The following ICE2 variants were observed in gnomAD, a reference collection of about 807,000 sequenced individuals.
ICE2 encodes little elongation complex subunit 2.
ICE2 carries 87 observed loss-of-function variants against 105.4 expected under a neutral mutation model. The observed-to-expected ratio is 0.83, with a 90% CI of 0.69 to 0.99. The LOEUF is 0.99. Ranked by LOEUF, ICE2 falls within the 50% of genes least tolerant of loss-of-function variation. The pLI, the probability that ICE2 is intolerant of heterozygous loss-of-function variation, is 0.00. For missense variants in ICE2, 1,323 were observed against 1,146.7 expected (o/e 1.15, Z -2.22); for synonymous variants, 399 against 392.0 (o/e 1.02, Z -0.21).
chr15:60,449,412 A>G lies in ICE2; in HGVS notation c.1555T>C (p.Ser519Pro). ...TTATTAGAAGTTTCAATTTCCTGAG[A>G]ATTTTCTAACTGTAAGGCATCAGAT... ...KTSDALQLEN[S>P]QEIETSNKND... The change falls in exon 10 of 16, where the codon TCT becomes CCT. Residue 519 changes from serine (S) to proline (P), a missense_variant. Coordinates refer to ENST00000261520, the MANE Select transcript of ICE2 (RefSeq NM_024611.6). 6.2e-7 allele frequency: 1 copy of G among 1,613,732 alleles called. No individual in the cohort carries two copies. The highest frequency in any genetic ancestry group is 8.5e-7 in the Non-Finnish European group (1 of 1,179,868).
chr15:60,472,322 C>T (rs1365500114), intron 3 of ICE2, among the ~76,000 whole-genome samples: 1 of 151,750 alleles, frequency 6.6e-6, no homozygotes, highest in African/African-American at 2.4e-5. Context: ...AATAAAAGGC[C>T]TTGTTTTTCA....
chr15:60,474,932 G>T (rs1282362821), intron 3 of ICE2, among the ~76,000 whole-genome samples: 1 of 152,056 alleles, frequency 6.6e-6, no homozygotes, highest in Non-Finnish European at 1.5e-5. Flanking sequence ...ATCAACCGGG[G>T]CAACACAGCA....
intron 4 of ICE2, among the ~76,000 whole-genome samples, chr15:60,467,604 G>C (rs1485250528): frequency 6.6e-6 from 1 of 152,118 alleles, no homozygotes; most frequent in Non-Finnish European, 1.5e-5. Context: ...ACTTTTTGCA[G>C]AACAATTTAT....
intron 5 of ICE2, among the ~76,000 whole-genome samples, chr15:60,460,692 C>G (rs530534640): frequency 2.0e-5 from 3 of 152,276 alleles, no homozygotes; most frequent in African/African-American, 4.8e-5. Context: ...GCTCTACCCA[C>G]TAGACGCCAT....
In ICE2 at chr15:60,453,051, C is replaced by T. The variant is rs7182274; in HGVS notation, c.1125+552G>A. 7.3e-3 allele frequency: 5,496 copies of T among 748,712 alleles called. 181 individuals are homozygous for T. In the African/African-American group the frequency reaches 0.082, roughly 11 times the overall value. The allele number at this position is 748,712 out of a possible 1,614,324, so 46.4% of individuals were successfully genotyped here. A position where few individuals can be genotyped will look rare whatever the true frequency, so the allele number is the denominator to read the frequency against. The stretch of plus-strand genomic sequence containing the variant: ...TTTGAGACCAGCCAGGCCAACATGG[C>T]GAAATCTCATCTCTACTAAAACTAC... On this transcript the variant is annotated intron_variant, in intron 9 of 15. Transcript: ENST00000261520.
chr15:60,460,254 G>C (rs2064237750), intron 5 of ICE2, among the ~76,000 whole-genome samples: 1 of 152,204 alleles, frequency 6.6e-6, no homozygotes, highest in Non-Finnish European at 1.5e-5. Flanking sequence ...AACACTTTGA[G>C]AGGCCAAGGA....
chr15:60,440,899 C>T (rs1465005109), intron 12 of ICE2: 1 of 151,966 alleles, frequency 6.6e-6, no homozygotes, highest in African/African-American at 2.4e-5. Flanking sequence ...GAAAGGCTCA[C>T]AAGAGGATAG....
chr15:60,440,194 T>A (rs1343420187), intron 12 of ICE2: 1 of 152,228 alleles, frequency 6.6e-6, no homozygotes, highest in Non-Finnish European at 1.5e-5. Flanking sequence ...CTGTTACTTA[T>A]GTAGTGATCT....
At chr15:60,452,989 G>C in intron 9 of ICE2, 1 of 976,442 alleles carries the variant, frequency 1.0e-6, no homozygotes, top group Non-Finnish European at 1.2e-6. Context: ...CCAGCACTTT[G>C]GGTGGCTGAG....
At chr15:60,453,091 G>T in intron 9 of ICE2, 1 of 603,176 alleles carries the variant, frequency 1.7e-6, no homozygotes, top group Non-Finnish European at 2.1e-6. Context: ...AATTAGCTGG[G>T]TATGGTGGTG....
intron 9 of ICE2, chr15:60,451,942 C>G (rs1322376290): frequency 2.0e-5 from 7 of 347,034 alleles, no homozygotes; most frequent in Non-Finnish European, 2.8e-5. Flanking sequence ...TCCTCACTAT[C>G]TTGTTAGCTT....
intron 3 of ICE2, 77 bp downstream of exon 3, chr15:60,475,986 A>G (rs2064750485): frequency 1.1e-6 from 1 of 885,488 alleles, no homozygotes; most frequent in Non-Finnish European, 1.7e-6. Flanking sequence ...GTTTAATACT[A>G]GAGATACACA....
rs116705841 is a variant in ICE2, at chr15:60,424,559, G to A, written c.2821-797C>T. Among the ~76,000 whole-genome samples the A allele has an allele frequency of 6.4e-3, 973 of 152,186 alleles. 8 individuals are homozygous for A. The highest frequency in any genetic ancestry group is 0.023 in the African/African-American group (946 of 41,504). ...TCTCGCTCTGTCACCCAGGCTGGAG[G>A]ACAGTTGGCGCGATCTCTGCTCACT... On this transcript the variant is annotated intron_variant, in intron 15 of 15. Coordinates refer to ENST00000261520, the MANE Select transcript of ICE2 (RefSeq NM_024611.6).
intron 6 of ICE2, among the ~76,000 whole-genome samples, chr15:60,456,442 G>A (rs1233413298): frequency 6.7e-6 from 1 of 148,858 alleles, no homozygotes; most frequent in Non-Finnish European, 1.5e-5. Flanking sequence ...TACTTGGGAG[G>A]CTAAGGCAGG....
intron 13 of ICE2, among the ~76,000 whole-genome samples, chr15:60,434,696 A>C (rs2063544367): frequency 6.6e-6 from 1 of 152,196 alleles, no homozygotes; most frequent in South Asian, 2.1e-4. Flanking sequence ...CATATGTAGA[A>C]GCTAAAAAAG....
intron 15 of ICE2, among the ~76,000 whole-genome samples, chr15:60,427,645 G>A (rs892288160): frequency 1.9e-4 from 29 of 152,144 alleles, no homozygotes; most frequent in African/African-American, 7.0e-4. Flanking sequence ...TCAAACTGCT[G>A]ACCTCAAATG....
intron 12 of ICE2, among the ~76,000 whole-genome samples, chr15:60,436,708 C>G (rs1248721655): frequency 2.7e-5 from 3 of 111,612 alleles, no homozygotes. Context: ...GTGACAGAGC[C>G]AGACTCTGTC....
At chr15:60,438,125 T>C (rs1416220395) in intron 12 of ICE2, 1 of 152,130 alleles carries the variant, frequency 6.6e-6, no homozygotes, top group East Asian at 1.9e-4. Flanking sequence ...CAAGGAAGAG[T>C]GACATAAAAG....
intron 13 of ICE2, among the ~76,000 whole-genome samples, 176 bp downstream of exon 13, chr15:60,435,967 T>C (rs2063578031): frequency 6.6e-6 from 1 of 151,862 alleles, no homozygotes; most frequent in Non-Finnish European, 1.5e-5. Flanking sequence ...AACGAGACTG[T>C]CTCAAACACA....
Sources: allele counts gnomAD v4.1 joint callset (sites outside exome capture counted in the v4.1 genomes callset), GRCh38; gene constraint gnomAD v4.1.1; transcripts MANE v1.5; gene names NCBI Gene and HGNC (gene_info 2026-07-23, HGNC 2026-07-21).